SEPTIN2: variants seen among roughly 807,000 people sequenced by gnomAD.
SEPTIN2 encodes septin-2.
In SEPTIN2, 34 loss-of-function variants were observed where a neutral mutation model predicts 46.5. That is an observed-to-expected ratio of 0.73 (90% CI 0.56 to 0.97). The LOEUF (loss-of-function observed/expected upper bound fraction) is 0.97, where lower values mean the gene tolerates loss of function less well. Among genes scored for constraint, SEPTIN2 ranks in the 50% least tolerant of loss-of-function variants. The pLI is 0.00. For missense variants in SEPTIN2, 347 were observed against 448.4 expected, an observed-to-expected ratio of 0.77 and a Z score of 2.04; for synonymous variants, 175 against 153.4, an observed-to-expected ratio of 1.14 and a Z score of -1.04.
intron 3 of SEPTIN2, among the ~76,000 whole-genome samples, chr2:241,328,189 C>T (rs1230272980): frequency 6.6e-6 from 1 of 151,926 alleles, no homozygotes; most frequent in African/African-American, 2.4e-5. Context: ...AATCCCAGCA[C>T]TCTGGGAGGC....
intron 7 of SEPTIN2, among the ~76,000 whole-genome samples, chr2:241,342,627 C>T (rs967132971): frequency 2.0e-5 from 3 of 150,124 alleles, no homozygotes; most frequent in Non-Finnish European, 4.4e-5. Flanking sequence ...GCTCCGCCTC[C>T]CGGGTTCACG....
At chr2:241,344,472 G>A (rs1341460636) in intron 9 of SEPTIN2, among the ~76,000 whole-genome samples, 1 of 152,212 alleles carries the variant, frequency 6.6e-6, no homozygotes, top group East Asian at 1.9e-4. Flanking sequence ...GCTGAGGCAG[G>A]CAGATCACGA....
At chr2:241,346,123 C>T (rs200705334) in intron 9 of SEPTIN2, 43 bp from the exon 10 acceptor site, 2 of 1,433,248 alleles carry the variant, frequency 1.4e-6, no homozygotes, top group East Asian at 4.6e-5. Flanking sequence ...ATGAGAATGT[C>T]ATGTGCATGA....
At chr2:241,319,353 CATT>C (rs2076814607) in intron 1 of SEPTIN2, among the ~76,000 whole-genome samples, 1 of 152,132 alleles carries the variant, frequency 6.6e-6, no homozygotes, top group Non-Finnish European at 1.5e-5. Context: ...ATAGATGAAA[CATT>C]ATTGACCTTC....
intron 3 of SEPTIN2, among the ~76,000 whole-genome samples, chr2:241,327,225 AAAG>A (rs1283125948): frequency 6.6e-6 from 1 of 152,152 alleles, no homozygotes; most frequent in Non-Finnish European, 1.5e-5. Context: ...TCTCGATGGC[AAAG>A]AAGAACTCTA....
At chr2:241,350,736 A>T (rs2060714844) in intron 12 of SEPTIN2, among the ~76,000 whole-genome samples, 1 of 152,160 alleles carries the variant, frequency 6.6e-6, no homozygotes, top group South Asian at 2.1e-4. Context: ...ATTAGTGAAT[A>T]GATCTGTCTG....
intron 1 of SEPTIN2, chr2:241,316,479 A>T (rs1227900637): frequency 6.7e-7 from 1 of 1,501,126 alleles, no homozygotes; most frequent in East Asian, 2.6e-5. Context: ...TGCCGTGGAT[A>T]AGCGAGGGGA....
At chr2:241,326,246 A>G in intron 3 of SEPTIN2, 133 bp downstream of exon 3, 1 of 736,020 alleles carries the variant, frequency 1.4e-6, no homozygotes, top group Non-Finnish European at 2.0e-6. Context: ...ATTTGAACAA[A>G]TATATGTGTA....
chr2:241,330,647 CAT>C (rs1345179957), intron 3 of SEPTIN2, among the ~76,000 whole-genome samples: 1 of 152,172 alleles, frequency 6.6e-6, no homozygotes, highest in African/African-American at 2.4e-5. Flanking sequence ...CCAATGAGAT[CAT>C]ATATAATAAG....
At chr2:241,331,966 C>T (rs1405091939) in intron 3 of SEPTIN2, among the ~76,000 whole-genome samples, 2 of 152,096 alleles carry the variant, frequency 1.3e-5, no homozygotes, top group East Asian at 1.9e-4. Flanking sequence ...CAAGTTGATT[C>T]AGTGGGGGCA....
chr2:241,322,315 C>G (rs964031171), intron 1 of SEPTIN2, among the ~76,000 whole-genome samples: 1 of 152,082 alleles, frequency 6.6e-6, no homozygotes, highest in Non-Finnish European at 1.5e-5. Context: ...AAAAATTCCA[C>G]ATATCTCTGG....
chr2:241,319,303 C>T (rs1022996465), intron 1 of SEPTIN2, among the ~76,000 whole-genome samples: 3 of 152,204 alleles, frequency 2.0e-5, no homozygotes, highest in Non-Finnish European at 4.4e-5. Flanking sequence ...CTCGTATTTG[C>T]TTCATAATCA....
chr2:241,350,302 C>T, intron 12 of SEPTIN2, 99 bp downstream of exon 12: 3 of 570,160 alleles, frequency 5.3e-6, no homozygotes, highest in Non-Finnish European at 8.5e-6. Flanking sequence ...TAATATTTTG[C>T]ATTTTGAAGT....
chr2:241,337,770 CG>C lies in SEPTIN2; in HGVS notation c.577del (p.Glu193SerfsTer3). The C allele has an allele frequency of 1.2e-6, 2 of 1,613,730 alleles. No homozygotes were observed. The highest frequency in any genetic ancestry group is 1.1e-5 in the South Asian group (1 of 91,062). ...AGCTGACACTCTCACCCTGAAGGAA[CG>C]GGAGCGGCTGAAGAAAAGGGTGAGT... ...AKADTLTLKE[R>X]ERLKKRILDE... is the part of the protein sequence containing the mutation. On this transcript the variant is annotated frameshift_variant, in exon 7 of 13. Coordinates refer to ENST00000391971, the MANE Select transcript of SEPTIN2 (RefSeq NM_004404.5). LOFTEE classifies it high-confidence loss of function.
At chr2:241,329,753 G>C (rs897946490) in intron 3 of SEPTIN2, among the ~76,000 whole-genome samples, 1 of 152,154 alleles carries the variant, frequency 6.6e-6, no homozygotes, top group South Asian at 2.1e-4. Context: ...CTCACATTCT[G>C]TATTTGTCCT....
upstream of SEPTIN2, chr2:241,315,890 C>A (rs1451489627): frequency 9.4e-6 from 1 of 106,876 alleles, no homozygotes; most frequent in Non-Finnish European, 2.0e-5. Context: ...CTGGGCGGGG[C>A]GGGGCGGGCT....
chr2:241,316,342 G>A, intron 1 of SEPTIN2: 1 of 600,184 alleles, frequency 1.7e-6, no homozygotes. Context: ...CTTGGAGGGA[G>A]GATACAGGTT....
At chr2:241,319,246 C>G (rs1196060638) in intron 1 of SEPTIN2, among the ~76,000 whole-genome samples, 1 of 152,018 alleles carries the variant, frequency 6.6e-6, no homozygotes, top group Non-Finnish European at 1.5e-5. Context: ...TTTTTAGGAG[C>G]CCTTATTTTT....
In SEPTIN2 at chr2:241,349,382, A is replaced by AT. The variant is rs201344860; in HGVS notation, c.985-691_985-690insT. Among the ~76,000 whole-genome samples the AT allele has an allele frequency of 2.5e-3, 295 of 117,444 alleles. 2 individuals carry two copies. In the East Asian group the frequency reaches 0.034, roughly 13 times the overall value. The allele number at this position is 117,444 out of a possible 152,430, so 77.0% of individuals were successfully genotyped here. On this transcript the variant is annotated intron_variant, in intron 11 of 12. Transcript: ENST00000391971. The stretch of plus-strand genomic sequence containing the variant: ...AGATCCCATCCCTTTAAAAAAAAAA[A>AT]AATATATATATATGTATATGTATGT...
Sources: gnomAD v4.1 joint callset for allele counts (sites outside exome capture counted in the v4.1 genomes callset) on GRCh38, gnomAD v4.1.1 for gene constraint, MANE v1.5 for transcripts, NCBI Gene and HGNC (gene_info 2026-07-23, HGNC 2026-07-21) for gene names.